The following MKNK1 variants were observed in gnomAD, a reference collection of about 807,000 sequenced individuals.
MKNK1 encodes the protein MAP kinase-interacting serine/threonine-protein kinase 1.
MKNK1 carries 30 observed loss-of-function variants against 49.3 expected under a neutral mutation model. The ratio of observed to expected loss-of-function variants is 0.61; its 90% CI spans 0.46 to 0.83. The LOEUF (loss-of-function observed/expected upper bound fraction) is 0.83, where lower values mean the gene tolerates loss of function less well. Ranked by LOEUF, MKNK1 falls within the 40% of genes least tolerant of loss-of-function variation. The pLI, the probability that MKNK1 is intolerant of heterozygous loss-of-function variation, is 0.00. For synonymous variants in MKNK1, 176 were observed against 201.7 expected (o/e 0.87, Z 1.08); for missense variants, 423 against 524.7 (o/e 0.81, Z 1.89).
chr1:46,587,929 A>T (rs895610706), intron 2 of MKNK1, among the ~76,000 whole-genome samples: 2 of 152,264 alleles, frequency 1.3e-5, no homozygotes, highest in Non-Finnish European at 2.9e-5. Flanking sequence ...GAGTAGAAAG[A>T]CTAGACAGAA....
In MKNK1 at chr1:46,557,544, T is replaced by C. The variant is rs1667227441; in HGVS notation, c.*1031A>G. ...CAATAGTTCCACTTATCTGAATGGC[T>C]GTACCTTCATGCACACGGGCAGCAG... On this transcript the variant is annotated 3_prime_UTR_variant, in exon 13 of 13. Transcript: ENST00000371945. 2 of 152,690 alleles carry C rather than the reference T, an allele frequency of 1.3e-5. No homozygotes were observed. The highest frequency in any genetic ancestry group is 2.4e-5 in the African/African-American group (1 of 41,470). 9.5% of individuals were successfully genotyped at this position (152,690 alleles called of 1,614,324 possible).
In MKNK1 at chr1:46,595,078, T is replaced by C. The variant is rs535883057; in HGVS notation, c.-170-798A>G. 2.8e-4 allele frequency: 48 copies of C among 173,900 alleles called. No homozygotes were observed. In the South Asian group the frequency reaches 4.0e-3, roughly 14 times the overall value. The allele number at this position is 173,900 out of a possible 1,614,324, so 10.8% of individuals were successfully genotyped here. On this transcript the variant is annotated intron_variant, in intron 1 of 12. Coordinates refer to ENST00000371945, the MANE Select transcript of MKNK1 (RefSeq NM_001135553.4). ...GCAAGAGGAAACAGAGCCCGAAAGATAAAGTAGATGCTGAGAGCAGGAGGT... is the reference window on the plus strand; with the variant it reads ...GCAAGAGGAAACAGAGCCCGAAAGACAAAGTAGATGCTGAGAGCAGGAGGT...
At position 46,562,861 on chromosome 1, in the gene MKNK1, G is replaced by A. The variant is rs767926788; in HGVS notation, c.610-18C>T. On this transcript the variant is annotated intron_variant, in intron 9 of 12. Transcript: ENST00000371945. ...GAGCCACACTGTGGGGGCCAGGGTTGGGGGAGGGGGAGATGGCAGAGAACA... is the reference window on the plus strand; with the variant it reads ...GAGCCACACTGTGGGGGCCAGGGTTAGGGGAGGGGGAGATGGCAGAGAACA... 2.5e-6 allele frequency: 4 copies of A among 1,587,892 alleles called. No homozygotes were observed. The highest frequency in any genetic ancestry group is 1.7e-4 in the Middle Eastern group (1 of 5,928).
At position 46,580,619 on chromosome 1, in the gene MKNK1, T is replaced by G. The variant is rs56351860; in HGVS notation, c.109A>C (p.Lys37Gln). 2.5e-6 allele frequency: 4 copies of G among 1,611,522 alleles called. No individual in the cohort carries two copies. Among genetic ancestry groups the G allele is most frequent in the Non-Finnish European group, 3.4e-6 (4 of 1,177,740 alleles). Residue 37 changes from lysine to glutamine, a missense_variant, in exon 4 of 13, where the codon AAG (lysine) becomes CAG (glutamine). Coordinates refer to ENST00000371945, the MANE Select transcript of MKNK1 (RefSeq NM_001135553.4). ...TCTCCAAGCAATTCAGAGGTCAGCT[T>G]GTACATATCTAGAGGTGAAATGGAT... ...SLPGKFEDMY[K>Q]LTSELLGEGA...
rs1667358032 is a variant in MKNK1 at position 46,558,561 on chromosome 1, G to A, written c.*14C>T. 6.3e-7 allele frequency: 1 copy of A among 1,592,096 alleles called. No individual in the cohort carries two copies. Among genetic ancestry groups the A allele is most frequent in the Non-Finnish European group, 8.6e-7 (1 of 1,169,398 alleles). On this transcript the variant is annotated 3_prime_UTR_variant, in exon 13 of 13. Transcript: ENST00000371945. Reference sequence around the variant, plus strand: ...TGGCCAGGCCTAGGGCCTATAAGGTGTGACTGGAGCATTTCAGAGTGCTGT... The same window carrying A: ...TGGCCAGGCCTAGGGCCTATAAGGTATGACTGGAGCATTTCAGAGTGCTGT...
intron 1 of MKNK1, among the ~76,000 whole-genome samples, chr1:46,600,038 A>G (rs12138971): frequency 0.26 from 39,302 of 151,882 alleles, 5,106 homozygotes; most frequent in Admixed American, 0.33. Context: ...TCTGCCTCTC[A>G]ACTGTTGCTC....
intron 1 of MKNK1, chr1:46,594,943 T>A (rs1673862272): frequency 3.1e-6 from 1 of 325,828 alleles, no homozygotes; most frequent in Admixed American, 3.8e-5. Context: ...CCCAAGATCA[T>A]GCCACTGCAC....
At chr1:46,602,881 A>C (rs1436322752) in intron 1 of MKNK1, among the ~76,000 whole-genome samples, 1 of 152,214 alleles carries the variant, frequency 6.6e-6, no homozygotes, top group Non-Finnish European at 1.5e-5. Context: ...CTGGGACCAC[A>C]TTACAGGAGA....
At chr1:46,576,212 C>A in intron 5 of MKNK1, 1 of 239,646 alleles carries the variant, frequency 4.2e-6, no homozygotes, top group Non-Finnish European at 8.3e-6. Context: ...TTCTCCTCAT[C>A]TTGGTATTAA....
chr1:46,563,730 C>T (rs1236555665), intron 9 of MKNK1, among the ~76,000 whole-genome samples: 1 of 152,132 alleles, frequency 6.6e-6, no homozygotes, highest in Admixed American at 6.5e-5. Context: ...ATTAAATATG[C>T]CCTTAAAGGG....
At chr1:46,596,785 A>AGGAGC (rs1674121271) in intron 1 of MKNK1, among the ~76,000 whole-genome samples, 1 of 152,196 alleles carries the variant, frequency 6.6e-6, no homozygotes, top group Admixed American at 6.5e-5. Flanking sequence ...CCAGCTTCTG[A>AGGAGC]CATGGCTTCT....
chr1:46,592,037 C>T (rs906333500), intron 2 of MKNK1, among the ~76,000 whole-genome samples: 57 of 152,070 alleles, frequency 3.7e-4, no homozygotes, highest in African/African-American at 1.4e-3. Flanking sequence ...TTCAGGAGTT[C>T]GAGCCCAGCC....
intron 8 of MKNK1, among the ~76,000 whole-genome samples, chr1:46,567,067 G>C (rs1174155741): frequency 1.3e-5 from 2 of 152,132 alleles, no homozygotes; most frequent in African/African-American, 4.8e-5. Flanking sequence ...TCAGCCTCCT[G>C]AGTAGCTGGG....
At chr1:46,575,356 C>T (rs114887226) in intron 5 of MKNK1, 5,341 of 200,796 alleles carry the variant, frequency 0.027, 99 homozygotes, top group Non-Finnish European at 0.041. Flanking sequence ...GAAGCAATTG[C>T]GGCTAATAAC....
At chr1:46,568,642 GCAGAAGT>G in intron 7 of MKNK1, 144 bp from the exon 8 acceptor site, 2 of 777,188 alleles carry the variant, frequency 2.6e-6, no homozygotes, top group Non-Finnish European at 4.2e-6. Context: ...GCTGCAGGAG[GCAGAAGT>G]AACCAGCGAC....
intron 6 of MKNK1, 110 bp from the exon 7 acceptor site, chr1:46,572,277 G>C (rs149969051): frequency 2.4e-6 from 2 of 844,192 alleles, no homozygotes; most frequent in African/African-American, 1.7e-5. Flanking sequence ...GTAGTGGCAC[G>C]ATCTCGGCTC....
intron 1 of MKNK1, among the ~76,000 whole-genome samples, chr1:46,595,348 G>A (rs929263034): frequency 1.3e-5 from 2 of 151,706 alleles, no homozygotes; most frequent in African/African-American, 4.8e-5. Flanking sequence ...CTTTCTAACT[G>A]GAAGTTGGGT....
At chr1:46,575,691 G>C (rs1670853856) in intron 5 of MKNK1, 1 of 152,156 alleles carries the variant, frequency 6.6e-6, no homozygotes, top group Non-Finnish European at 1.5e-5. Context: ...GGTGTTGTGG[G>C]CTTTTTTTCT....
intron 4 of MKNK1, 29 bp from the exon 5 acceptor site, chr1:46,576,683 C>T (rs745906495): frequency 2.5e-6 from 4 of 1,592,088 alleles, no homozygotes; most frequent in East Asian, 4.5e-5. Flanking sequence ...CTGTCATGTA[C>T]ACCCACCTGA....
Sources: allele counts gnomAD v4.1 joint callset (sites outside exome capture counted in the v4.1 genomes callset), GRCh38; gene constraint gnomAD v4.1.1; transcripts MANE v1.5; gene names NCBI Gene and HGNC (gene_info 2026-07-23, HGNC 2026-07-21).